TAFA1: variants seen among roughly 807,000 people sequenced by gnomAD.
TAFA1 encodes the protein TAFA chemokine like family member 1, also known as chemokine-like protein TAFA-1.
In TAFA1, 4 loss-of-function variants were observed where a neutral mutation model predicts 18.5. The ratio of observed to expected loss-of-function variants is 0.22; its 90% CI spans 0.11 to 0.49. TAFA1 has a LOEUF of 0.49. Among genes scored for constraint, TAFA1 ranks in the 20% least tolerant of loss-of-function variants. The pLI is 0.98. For missense variants in TAFA1, 147 were observed against 169.0 expected (o/e 0.87, Z 0.72); for synonymous variants, 56 against 55.2 (o/e 1.01, Z -0.06).
At chr3:68,208,780 C>T (rs909789654) in intron 2 of TAFA1, among the ~76,000 whole-genome samples, 7 of 151,980 alleles carry the variant, frequency 4.6e-5, no homozygotes, top group African/African-American at 1.7e-4. Flanking sequence ...AGAATTTCCT[C>T]CAAGTTGTAT....
intron 2 of TAFA1, among the ~76,000 whole-genome samples, chr3:68,111,690 T>A (rs1394669171): frequency 9.2e-5 from 14 of 151,660 alleles, no homozygotes; most frequent in Admixed American, 9.2e-4. Flanking sequence ...GTTTTAATCT[T>A]TAGGATAACA....
At chr3:68,459,847 C>T (rs369480396) in intron 3 of TAFA1, among the ~76,000 whole-genome samples, 5 of 152,280 alleles carry the variant, frequency 3.3e-5, no homozygotes, top group African/African-American at 9.6e-5. Context: ...TCAGAGATAC[C>T]TGAAGCTCTA....
intron 2 of TAFA1, among the ~76,000 whole-genome samples, chr3:68,243,852 G>T (rs928119359): frequency 6.6e-6 from 1 of 152,064 alleles, no homozygotes; most frequent in Admixed American, 6.6e-5. Flanking sequence ...ATTACTAAAG[G>T]AACTGCCAAA....
At chr3:68,438,979 C>T (rs1204817434) in intron 3 of TAFA1, among the ~76,000 whole-genome samples, 2 of 152,184 alleles carry the variant, frequency 1.3e-5, no homozygotes, top group South Asian at 2.1e-4. Flanking sequence ...GCCTTCCTAG[C>T]CCCCTGGGCC....
chr3:68,119,048 T>C (rs913694117), intron 2 of TAFA1, among the ~76,000 whole-genome samples: 13 of 151,918 alleles, frequency 8.6e-5, no homozygotes, highest in African/African-American at 2.7e-4. Context: ...TTTCTTTTTT[T>C]TGGGTTTTTT....
intron 3 of TAFA1, among the ~76,000 whole-genome samples, chr3:68,519,288 A>T (rs1294107621): frequency 6.6e-6 from 1 of 152,216 alleles, no homozygotes; most frequent in Non-Finnish European, 1.5e-5. Context: ...CAATGAGAAG[A>T]CGTCATCTAT....
intron 2 of TAFA1, among the ~76,000 whole-genome samples, chr3:68,085,224 C>A (rs935550725): frequency 6.6e-6 from 1 of 152,048 alleles, no homozygotes; most frequent in African/African-American, 2.4e-5. Context: ...AAGTCAGTAA[C>A]CATAAAGGGA....
intron 2 of TAFA1, among the ~76,000 whole-genome samples, chr3:68,184,600 G>A (rs112067242): frequency 1.0e-3 from 155 of 152,144 alleles, no homozygotes; most frequent in African/African-American, 3.5e-3. Context: ...CCTAAAGCAG[G>A]ACTATTGATT....
intron 2 of TAFA1, among the ~76,000 whole-genome samples, chr3:68,039,198 C>T (rs1304410909): frequency 6.6e-6 from 1 of 152,134 alleles, no homozygotes; most frequent in Non-Finnish European, 1.5e-5. Context: ...TTTGCTTAAT[C>T]TTCTATTGTT....
intron 2 of TAFA1, among the ~76,000 whole-genome samples, chr3:68,387,016 T>A (rs115216374): frequency 1.3e-5 from 2 of 152,044 alleles, no homozygotes; most frequent in Non-Finnish European, 2.9e-5. Context: ...GAATTTTCTT[T>A]ATAAAGTTCA....
intron 2 of TAFA1, among the ~76,000 whole-genome samples, chr3:68,332,018 C>T (rs147548457): frequency 0.01 from 1,549 of 151,710 alleles, 22 homozygotes; most frequent in African/African-American, 0.036. Context: ...TGCCCGCCAC[C>T]GCACCCTGCC....
intron 2 of TAFA1, among the ~76,000 whole-genome samples, chr3:68,026,122 C>T (rs1704809322): frequency 6.6e-6 from 1 of 152,064 alleles, no homozygotes; most frequent in East Asian, 1.9e-4. Flanking sequence ...TAAGTATTTA[C>T]ATAATTCCTC....
chr3:67,999,858 G>A (rs1019385994), upstream of TAFA1, among the ~76,000 whole-genome samples: 4 of 150,500 alleles, frequency 2.7e-5, no homozygotes, highest in African/African-American at 7.3e-5. Flanking sequence ...TGGTGATCTC[G>A]GCTCACTGCA....
At chr3:68,323,673 A>G (rs1375787258) in intron 2 of TAFA1, among the ~76,000 whole-genome samples, 2 of 152,218 alleles carry the variant, frequency 1.3e-5, no homozygotes, top group Non-Finnish European at 2.9e-5. Context: ...TGATACAAAT[A>G]TTGTATATTC....
chr3:68,094,339 T>C (rs946791004), intron 2 of TAFA1, among the ~76,000 whole-genome samples: 4 of 152,136 alleles, frequency 2.6e-5, no homozygotes, highest in African/African-American at 9.7e-5. Flanking sequence ...CTTTGTTACT[T>C]ACTGTCTCAC....
intron 2 of TAFA1, among the ~76,000 whole-genome samples, chr3:68,203,848 C>T (rs1309650873): frequency 6.6e-6 from 1 of 151,522 alleles, no homozygotes; most frequent in East Asian, 2.0e-4. Context: ...AAAATGGTTG[C>T]TTTTCTCCCT....
chr3:68,086,639 A>G (rs917785611), intron 2 of TAFA1, among the ~76,000 whole-genome samples: 2 of 152,188 alleles, frequency 1.3e-5, no homozygotes, highest in Non-Finnish European at 2.9e-5. Flanking sequence ...CTATAATGAG[A>G]ATGAGGGGAA....
At chr3:68,075,887 G>C (rs2064817131) in intron 2 of TAFA1, among the ~76,000 whole-genome samples, 1 of 152,014 alleles carries the variant, frequency 6.6e-6, no homozygotes, top group Non-Finnish European at 1.5e-5. Context: ...CGCAGAGATG[G>C]GGTTTCACCA....
chr3:68,322,217 AT>A (rs2068706602), intron 2 of TAFA1, among the ~76,000 whole-genome samples: 1 of 152,224 alleles, frequency 6.6e-6, no homozygotes, highest in Non-Finnish European at 1.5e-5. Context: ...AAGCATACAT[AT>A]TTTGCTTCAA....
Sources: allele counts gnomAD v4.1 joint callset (sites outside exome capture counted in the v4.1 genomes callset), GRCh38; gene constraint gnomAD v4.1.1; transcripts MANE v1.5; gene names NCBI Gene and HGNC (gene_info 2026-07-23, HGNC 2026-07-21).